LRMDA: variants seen among roughly 807,000 people sequenced by gnomAD.
The protein encoded by LRMDA is leucine rich melanocyte differentiation associated, also known as leucine-rich melanocyte differentiation-associated protein.
Under a neutral mutation model 29.8 loss-of-function variants are expected in LRMDA, and 18 were observed. The observed-to-expected ratio is 0.60, with a 90% CI of 0.42 to 0.90. LRMDA has a LOEUF of 0.90. LRMDA is among the 40% of genes least tolerant of loss of function. LRMDA has a pLI of 0.00. For missense variants in LRMDA, 273 were observed against 273.9 expected, an observed-to-expected ratio of 1.00 and a Z score of 0.02; for synonymous variants, 125 against 109.4, an observed-to-expected ratio of 1.14 and a Z score of -0.89.
rs551799598 is a variant in LRMDA at position 75,706,726 on chromosome 10, G to A, written c.131+268232G>A. 4.8e-5 allele frequency among the ~76,000 whole-genome samples: 7 copies of A among 145,884 alleles called. No individual in the cohort carries two copies. The South Asian group carries it at 1.3e-3, about 27-fold the overall frequency. Reference sequence around the variant, plus strand: ...CAATCCTATACGTTGAGAATTATTGGTACCACTTTTTTTTTTTTTTTTTTT... The same window carrying A: ...CAATCCTATACGTTGAGAATTATTGATACCACTTTTTTTTTTTTTTTTTTT... On this transcript the variant is annotated intron_variant, in intron 2 of 6. Coordinates refer to ENST00000611255, the MANE Select transcript of LRMDA (RefSeq NM_001305581.2).
intron 2 of LRMDA, among the ~76,000 whole-genome samples, chr10:75,867,828 A>C (rs1293390068): frequency 6.6e-6 from 1 of 152,150 alleles, no homozygotes; most frequent in African/African-American, 2.4e-5. Flanking sequence ...AGGGCCAAAT[A>C]GTAGCTATTT....
intron 5 of LRMDA, among the ~76,000 whole-genome samples, chr10:76,130,481 C>T (rs775268753): frequency 2.0e-5 from 3 of 152,074 alleles, no homozygotes; most frequent in East Asian, 1.9e-4. Context: ...TGTTTTGATA[C>T]GTAGACTTTA....
chr10:75,742,649 GC>G (rs1842844239), intron 2 of LRMDA: 1 of 152,230 alleles, frequency 6.6e-6, no homozygotes, highest in Non-Finnish European at 1.5e-5. Flanking sequence ...GCAAGCCTTT[GC>G]CAAGGGCCCT....
intron 2 of LRMDA, among the ~76,000 whole-genome samples, chr10:75,528,992 C>T (rs1453596261): frequency 6.6e-6 from 1 of 151,818 alleles, no homozygotes; most frequent in African/African-American, 2.4e-5. Flanking sequence ...TAAGAGAAGG[C>T]AAAGATATGG....
chr10:76,237,692 G>A (rs1225805463), intron 5 of LRMDA, among the ~76,000 whole-genome samples: 2 of 151,374 alleles, frequency 1.3e-5, no homozygotes, highest in African/African-American at 4.9e-5. Context: ...AGGGCTGGGA[G>A]GATCCCAGAA....
chr10:76,203,119 T>A (rs559008571), intron 5 of LRMDA, among the ~76,000 whole-genome samples: 1 of 152,332 alleles, frequency 6.6e-6, no homozygotes, highest in East Asian at 1.9e-4. Flanking sequence ...GCATGAGTAC[T>A]TTTTGTGGAG....
At chr10:76,148,349 C>T (rs923360810) in intron 5 of LRMDA, among the ~76,000 whole-genome samples, 11 of 152,192 alleles carry the variant, frequency 7.2e-5, no homozygotes, top group South Asian at 4.1e-4. Context: ...TCTAGCTTCC[C>T]GGCTGCTTTG....
intron 6 of LRMDA, among the ~76,000 whole-genome samples, chr10:76,402,865 T>C (rs1841863902): frequency 6.6e-6 from 1 of 152,308 alleles, no homozygotes; most frequent in Middle Eastern, 3.4e-3. Flanking sequence ...AGAGATTTTT[T>C]CAGAGACATG....
chr10:75,465,164 A>T (rs1019728396), intron 2 of LRMDA, among the ~76,000 whole-genome samples: 1 of 152,216 alleles, frequency 6.6e-6, no homozygotes, highest in Admixed American at 6.5e-5. Context: ...AGAGGAAGAA[A>T]ATCATCTCAT....
intron 6 of LRMDA, among the ~76,000 whole-genome samples, chr10:76,362,064 G>A (rs568801097): frequency 6.6e-5 from 10 of 152,274 alleles, no homozygotes; most frequent in Admixed American, 5.2e-4. Context: ...AGAGGGGACC[G>A]GAGAGGCTCC....
intron 2 of LRMDA, among the ~76,000 whole-genome samples, chr10:75,907,061 C>T (rs1055033896): frequency 2.6e-5 from 4 of 152,168 alleles, no homozygotes; most frequent in Admixed American, 1.3e-4. Context: ...AACTCTTGGA[C>T]GTAGGAGTTT....
At chr10:76,331,689 A>G (rs542898870) in intron 6 of LRMDA, among the ~76,000 whole-genome samples, 4 of 152,302 alleles carry the variant, frequency 2.6e-5, no homozygotes, top group African/African-American at 9.6e-5. Context: ...GTGGGGGAAG[A>G]GTGTGTTGGT....
chr10:76,277,562 G>GT (rs1840150728), intron 5 of LRMDA, among the ~76,000 whole-genome samples: 1 of 151,842 alleles, frequency 6.6e-6, no homozygotes, highest in African/African-American at 2.4e-5. Flanking sequence ...TCCTTTTTGT[G>GT]TCTTTTGCAT....
intron 2 of LRMDA, chr10:75,642,901 G>A: frequency 6.6e-6 from 1 of 152,162 alleles, no homozygotes; most frequent in East Asian, 1.9e-4. Context: ...CATGTCATAA[G>A]CACATGTATT....
chr10:76,047,873 G>A (rs1017581742), intron 4 of LRMDA, among the ~76,000 whole-genome samples: 5 of 152,202 alleles, frequency 3.3e-5, no homozygotes, highest in Admixed American at 3.3e-4. Context: ...CTATGCCGTG[G>A]CGCCCACCAG....
At chr10:76,059,730 AAAAAC>A (rs1185826370) in intron 5 of LRMDA, among the ~76,000 whole-genome samples, 1 of 152,264 alleles carries the variant, frequency 6.6e-6, no homozygotes, top group African/African-American at 2.4e-5. Context: ...AAGAAAAAAC[AAAAAC>A]AAAACAGAAC....
At chr10:75,588,886 C>T (rs146198275) in intron 2 of LRMDA, among the ~76,000 whole-genome samples, 1 of 151,950 alleles carries the variant, frequency 6.6e-6, no homozygotes, top group African/African-American at 2.4e-5. Context: ...TTATTTGTGC[C>T]CTTGCTTTTT....
At chr10:76,152,833 A>G (rs1589353131) in intron 5 of LRMDA, among the ~76,000 whole-genome samples, 1 of 146,338 alleles carries the variant, frequency 6.8e-6, no homozygotes. Flanking sequence ...AAAACTGTCT[A>G]TTCACATTTT....
At chr10:76,336,929 T>A (rs899962472) in intron 6 of LRMDA, among the ~76,000 whole-genome samples, 4 of 152,156 alleles carry the variant, frequency 2.6e-5, no homozygotes, top group African/African-American at 9.7e-5. Context: ...CCTTGTTATG[T>A]CTAATTTCTC....
Sources: allele counts gnomAD v4.1 joint callset (sites outside exome capture counted in the v4.1 genomes callset), GRCh38; gene constraint gnomAD v4.1.1; transcripts MANE v1.5; gene names NCBI Gene and HGNC (gene_info 2026-07-23, HGNC 2026-07-21).